OTOF: variants seen among roughly 807,000 people sequenced by gnomAD.
OTOF encodes otoferlin.
A neutral mutation model predicts 236.8 loss-of-function variants in OTOF; 218 were observed. The observed-to-expected ratio is 0.92, with a 90% CI of 0.82 to 1.03. The LOEUF (loss-of-function observed/expected upper bound fraction) is 1.03, where lower values mean the gene tolerates loss of function less well. OTOF is among the 50% of genes least tolerant of loss of function. OTOF has a pLI of 0.00. For synonymous variants in OTOF, 1,041 were observed against 1,072.5 expected, an observed-to-expected ratio of 0.97 and a Z score of 0.57; for missense variants, 2,590 against 2,694.4, an observed-to-expected ratio of 0.96 and a Z score of 0.86.
chr2:26,469,394 T>G (rs1664879802), intron 32 of OTOF, among the ~76,000 whole-genome samples: 1 of 152,232 alleles, frequency 6.6e-6, no homozygotes, highest in Non-Finnish European at 1.5e-5. Flanking sequence ...CCAGTTGTCC[T>G]CAATGATCTG....
At chr2:26,458,544 C>T (rs1664298898) in intron 46 of OTOF, among the ~76,000 whole-genome samples, 1 of 152,154 alleles carries the variant, frequency 6.6e-6, no homozygotes. Flanking sequence ...ATGTGCTGCC[C>T]CACGTCCTTG....
In OTOF at chr2:26,479,582, C is replaced by T; in HGVS notation, c.1984G>A (p.Glu662Lys). The part of the protein sequence containing the change: ...RPRPRKEPGD[E>K]EEVDLIQNAS... ...TTCTGAATCAGGTCTACTTCTTCCT[C>T]ATCCCCCGGCTCCTTCCGGGGCCGA... The change falls in exon 17 of 47, where the codon GAG (glutamate) becomes AAG (lysine). Residue 662 changes from glutamate (E) to lysine (K), a missense_variant. This residue lies in a region of OTOF where 1,379 missense variants were observed against 1,341.6 expected (regional missense o/e 1.03). Coordinates refer to ENST00000272371, the MANE Select transcript of OTOF (RefSeq NM_194248.3). 4.3e-6 allele frequency: 7 copies of T among 1,612,798 alleles called. No individual in the cohort carries two copies. The highest frequency in any genetic ancestry group is 5.1e-6 in the Non-Finnish European group (6 of 1,179,942).
intron 31 of OTOF, 53 bp downstream of exon 31, chr2:26,471,068 T>A: frequency 6.2e-7 from 1 of 1,604,710 alleles, no homozygotes; most frequent in African/African-American, 1.3e-5. Flanking sequence ...CTGACATCAT[T>A]GCCAATAAAG....
chr2:26,471,849 CCACATGCA>C (rs996024186), intron 30 of OTOF, among the ~76,000 whole-genome samples: 3 of 151,596 alleles, frequency 2.0e-5, no homozygotes, highest in African/African-American at 7.3e-5. Context: ...CATTTACATA[CCACATGCA>C]CACATGCACA....
rs200670445 is a variant in OTOF at position 26,477,188 on chromosome 2, C to T, written c.2507G>A (p.Arg836His). 89 of 1,610,470 alleles carry T rather than the reference C, an allele frequency of 5.5e-5. No homozygotes were observed. In the African/African-American group the frequency reaches 9.2e-4, roughly 17 times the overall value. The change falls in exon 21 of 47, where the codon CGC becomes CAC. Residue 836 changes from arginine (R) to histidine (H), a missense_variant. Arg to His is a conservative substitution (Grantham distance 29, BLOSUM62 0). Coordinates refer to ENST00000272371, the MANE Select transcript of OTOF (RefSeq NM_194248.3). The surrounding 1 kb of genome is among the most constrained non-coding windows in gnomAD (Gnocchi z 4.7). ...GGGCCGCACCTCGTCCGCCAGGAAG[C>T]GCAGCTTCTGCAGGAAGTTCTGGCA... ...RLCQNFLQKL[R>H]FLADEPQHSI...
At chr2:26,530,947 C>A (rs13030516) in intron 2 of OTOF, among the ~76,000 whole-genome samples, 2 of 152,020 alleles carry the variant, frequency 1.3e-5, no homozygotes, top group South Asian at 2.1e-4. Flanking sequence ...GGGGTTACTC[C>A]CATTTGGCCT....
In OTOF at chr2:26,460,060, GCA is replaced by G. The variant is rs1664386277; in HGVS notation, c.5957_5958del (p.Val1986AlafsTer198). The part of the protein sequence containing the change: ...LLLLALFLYS[V>X]PGYLVKKILG... Reference sequence around the variant, plus strand: ...AGGATTTTCTTGACCAGGTAGCCAGGCACAGAGTAGAGGAACAGGGCGAGGAG... The same window carrying G: ...AGGATTTTCTTGACCAGGTAGCCAGGCAGAGTAGAGGAACAGGGCGAGGAG... On this transcript the variant is annotated frameshift_variant, in exon 46 of 47. Coordinates refer to ENST00000272371, the MANE Select transcript of OTOF (RefSeq NM_194248.3). LOFTEE classifies it high-confidence loss of function. The surrounding 1 kb of genome is among the most constrained non-coding windows in gnomAD (Gnocchi z 5.3). The G allele has an allele frequency of 6.4e-7, 1 of 1,573,392 alleles. No homozygotes were observed. Among genetic ancestry groups the G allele is most frequent in the African/African-American group, 1.3e-5 (1 of 74,384 alleles).
At chr2:26,469,470 T>C (rs1664882881) in intron 32 of OTOF, among the ~76,000 whole-genome samples, 1 of 152,222 alleles carries the variant, frequency 6.6e-6, no homozygotes, top group Non-Finnish European at 1.5e-5. Context: ...TTTCCCAGCC[T>C]CCTTTGCAGA....
In OTOF at chr2:26,494,934, C is replaced by T. The variant is rs1480414957; in HGVS notation, c.897+8G>A. On this transcript the variant is annotated splice_region_variant and intron_variant, in intron 9 of 46. Transcript: ENST00000272371. ...TACAGAGGCTCCTTTCCCCACAGGG[C>T]CACTGACCTCGTTGTAATAGGGGCA... 2 of 1,614,034 alleles carry T rather than the reference C, an allele frequency of 1.2e-6. No individual in the cohort carries two copies. The highest frequency in any genetic ancestry group is 2.7e-5 in the African/African-American group (2 of 74,924).
intron 13 of OTOF, among the ~76,000 whole-genome samples, 194 bp downstream of exon 13, chr2:26,483,268 C>T (rs549396349): frequency 1.7e-4 from 26 of 152,150 alleles, no homozygotes; most frequent in African/African-American, 5.5e-4. Context: ...AGCCTCTCCT[C>T]CCTCTCATGC....
At chr2:26,543,831 A>G (rs960240806) in intron 1 of OTOF, among the ~76,000 whole-genome samples, 2 of 152,150 alleles carry the variant, frequency 1.3e-5, no homozygotes, top group African/African-American at 4.8e-5. Context: ...ACTCTCCTGC[A>G]TTAGCCTCCT....
Position 26,473,702 on chromosome 2 carries a change from G to T in OTOF, c.3409-135C>A. 1.0e-6 allele frequency: 1 copy of T among 995,398 alleles called. No homozygotes were observed. The highest frequency in any genetic ancestry group is 1.5e-6 in the Non-Finnish European group (1 of 680,206). 61.7% of individuals were successfully genotyped at this position (995,398 alleles called of 1,614,324 possible). A position where few individuals can be genotyped will look rare whatever the true frequency, so the allele number is the denominator to read the frequency against. ...AGTTCACCCCAGATTTCAAAGGGTG[G>T]GAGCAGGGCCAGGAGAGCAGAGGAG... On this transcript the variant is annotated intron_variant, in intron 27 of 46. Coordinates refer to ENST00000272371, the MANE Select transcript of OTOF (RefSeq NM_194248.3). This position sits in a 1 kb window ranked among gnomAD's most constrained non-coding sequence, Gnocchi z 7.2.
chr2:26,498,257 G>A (rs1287383938), intron 8 of OTOF, among the ~76,000 whole-genome samples: 1 of 152,208 alleles, frequency 6.6e-6, no homozygotes, highest in Non-Finnish European at 1.5e-5. Flanking sequence ...GGGTGGAGGG[G>A]AAGGTGGGCA....
At position 26,500,975 on chromosome 2, in the gene OTOF, C is replaced by T. The variant is rs967349049; in HGVS notation, c.765+779G>A. Among the ~76,000 whole-genome samples, 5 of 152,278 alleles carry T rather than the reference C, an allele frequency of 3.3e-5. No homozygotes were observed. The South Asian group carries it at 6.2e-4, about 19-fold the overall frequency. ...AGTGGCAGCCAGGTGAGATCTCTTG[C>T]AAGCCCTGTCCCCTCTGAGCAGCCA... is the stretch of plus-strand genomic sequence containing the variant. On this transcript the variant is annotated intron_variant, in intron 8 of 46. Transcript: ENST00000272371.
chr2:26,477,835 G>C lies in OTOF; in HGVS notation c.2215-86C>G, dbSNP rs1572432051. The C allele has an allele frequency of 1.3e-6, 2 of 1,573,754 alleles. No homozygotes were observed. ...TGCCTCCTCCCTGTTGATCAGGGGA[G>C]TGAGGGACCTCATGATCTGGGAGCT... is the stretch of plus-strand genomic sequence containing the variant. On this transcript the variant is annotated intron_variant, in intron 18 of 46. Coordinates refer to ENST00000272371, the MANE Select transcript of OTOF (RefSeq NM_194248.3). This position sits in a 1 kb window ranked among gnomAD's most constrained non-coding sequence, Gnocchi z 4.7.
At position 26,467,435 on chromosome 2, in the gene OTOF, G is replaced by A. The variant is rs397515600; in HGVS notation, c.4157C>T (p.Thr1386Ile). 1.2e-6 allele frequency: 2 copies of A among 1,613,930 alleles called. No individual in the cohort carries two copies. Among genetic ancestry groups the A allele is most frequent in the Non-Finnish European group, 1.7e-6 (2 of 1,180,030 alleles). The change falls in exon 34 of 47, where the codon ACT becomes ATT. Residue 1386 changes from threonine (T) to isoleucine (I), a missense_variant. By Grantham distance (89) the Thr-to-Ile change is moderately conservative. Around this residue, in one of 2 missense-constraint regions of OTOF, gnomAD observed 1,211 missense variants for 1,352.8 expected, o/e 0.90. Transcript: ENST00000272371. ...CCCCTGGCCAGAGCCAGAGCTCTGAGTTTTCTTCTTCTTCTCCTCTTTGGC... is the reference window on the plus strand; with the variant it reads ...CCCCTGGCCAGAGCCAGAGCTCTGAATTTTCTTCTTCTTCTCCTCTTTGGC... ...RAAKEEKKKK[T>I]QSSGSGQGSE...
At chr2:26,526,803 A>G (rs934953509) in intron 3 of OTOF, among the ~76,000 whole-genome samples, 3 of 152,182 alleles carry the variant, frequency 2.0e-5, no homozygotes, top group Non-Finnish European at 4.4e-5. Flanking sequence ...TAACACCTCC[A>G]TACCTTCTTG....
rs567720667 is a variant in OTOF, at chr2:26,473,091, G to C, written c.3733+41C>G. The C allele has an allele frequency of 1.9e-6, 3 of 1,592,228 alleles. No individual in the cohort carries two copies. The highest frequency in any genetic ancestry group is 2.7e-5 in the African/African-American group (2 of 74,584). On this transcript the variant is annotated intron_variant, in intron 29 of 46. Coordinates refer to ENST00000272371, the MANE Select transcript of OTOF (RefSeq NM_194248.3). The surrounding 1 kb of genome is among the most constrained non-coding windows in gnomAD (Gnocchi z 7.2). ...GAGACCTGGAGCCCTTCCCTGGGGG[G>C]CGTGGAGCCAGGCTTGGTGGCAGGG...
At chr2:26,463,660 G>T (rs564964844) in intron 40 of OTOF, 89 bp from the exon 41 acceptor site, 24 of 1,116,884 alleles carry the variant, frequency 2.1e-5, no homozygotes, top group Non-Finnish European at 3.1e-5. Context: ...CCTTTGTTCT[G>T]TCAAGGACCC....
Sources: gnomAD v4.1 joint callset for allele counts (sites outside exome capture counted in the v4.1 genomes callset) on GRCh38, gnomAD v4.1.1 for gene constraint, gnomAD v4.1.1 regional missense constraint, Gnocchi (gnomAD v3.1) non-coding constraint, MANE v1.5 for transcripts, NCBI Gene and HGNC (gene_info 2026-07-23, HGNC 2026-07-21) for gene names.